The following ENAH variants were observed in gnomAD, a reference collection of about 807,000 sequenced individuals.
ENAH encodes the protein ENAH actin regulator.
ENAH carries 23 observed loss-of-function variants against 78.7 expected under a neutral mutation model. That is an observed-to-expected ratio of 0.29 (90% CI 0.21 to 0.41). The LOEUF is 0.41. Among genes scored for constraint, ENAH ranks in the 10% least tolerant of loss-of-function variants. The pLI is 1.00. For synonymous variants in ENAH, 226 were observed against 241.0 expected (o/e 0.94, Z 0.58); for missense variants, 544 against 691.0 (o/e 0.79, Z 2.39).
At chr1:225,505,878 A>G (rs1480736075) in intron 11 of ENAH, among the ~76,000 whole-genome samples, 1 of 152,180 alleles carries the variant, frequency 6.6e-6, no homozygotes, top group Non-Finnish European at 1.5e-5. Flanking sequence ...GAATTGGAAC[A>G]TGATTATGGT....
chr1:225,625,654 T>C (rs1402390613), intron 1 of ENAH, among the ~76,000 whole-genome samples: 2 of 152,170 alleles, frequency 1.3e-5, no homozygotes, highest in Non-Finnish European at 2.9e-5. Flanking sequence ...TAGCTAGGAT[T>C]ACAGGCATGT....
chr1:225,586,472 A>G (rs1161760688), intron 1 of ENAH, among the ~76,000 whole-genome samples: 1 of 152,094 alleles, frequency 6.6e-6, no homozygotes, highest in Non-Finnish European at 1.5e-5. Context: ...AAAGAAGAAA[A>G]CATTTCCAGC....
chr1:225,592,589 A>AC (rs1021266535), intron 1 of ENAH, among the ~76,000 whole-genome samples: 56 of 152,334 alleles, frequency 3.7e-4, no homozygotes, highest in African/African-American at 1.3e-3. Context: ...AGGTTTATGT[A>AC]CTTTTCAAGT....
In ENAH at chr1:225,506,337, G is replaced by A. The variant is rs570784093; in HGVS notation, c.1538+1614C>T. 2.4e-4 allele frequency among the ~76,000 whole-genome samples: 37 copies of A among 152,282 alleles called. No homozygotes were observed. The South Asian group carries it at 2.5e-3, about 10-fold the overall frequency. On this transcript the variant is annotated intron_variant, in intron 11 of 13. Coordinates refer to ENST00000366843, the MANE Select transcript of ENAH (RefSeq NM_018212.6). ...CAAGTAGCTGGCATCGCAGGTGTGC[G>A]CCACCATGCCCAGCTAATTTTTGTA...
intron 1 of ENAH, among the ~76,000 whole-genome samples, chr1:225,581,092 A>G (rs2096815021): frequency 1.3e-5 from 2 of 152,116 alleles, no homozygotes; most frequent in African/African-American, 4.8e-5. Flanking sequence ...CGTCATTCAC[A>G]GCATGAGAGT....
At chr1:225,510,620 T>C (rs2096369032) in intron 10 of ENAH, among the ~76,000 whole-genome samples, 1 of 149,796 alleles carries the variant, frequency 6.7e-6, no homozygotes, top group South Asian at 2.1e-4. Context: ...AGAGTCACCA[T>C]TTAATAATAA....
At chr1:225,529,797 C>G (rs1048851603) in intron 4 of ENAH, among the ~76,000 whole-genome samples, 3 of 152,132 alleles carry the variant, frequency 2.0e-5, no homozygotes, top group Non-Finnish European at 4.4e-5. Flanking sequence ...TGAGCAGTGC[C>G]ACAATAATCA....
At position 225,496,660 on chromosome 1, in the gene ENAH, C is replaced by T. The variant is rs1185015389; in HGVS notation, c.*1115G>A. Reference sequence around the variant, plus strand: ...TGGTTAAAATACAAATAGCTGAAGACATGATGTAAAAGATTAAGTACTTGG... The same window carrying T: ...TGGTTAAAATACAAATAGCTGAAGATATGATGTAAAAGATTAAGTACTTGG... On this transcript the variant is annotated 3_prime_UTR_variant, in exon 14 of 14. Coordinates refer to ENST00000366843, the MANE Select transcript of ENAH (RefSeq NM_018212.6). 1 of 152,604 alleles carries T rather than the reference C, an allele frequency of 6.6e-6. No individual in the cohort carries two copies. Among genetic ancestry groups the T allele is most frequent in the Non-Finnish European group, 1.5e-5 (1 of 68,022 alleles). 9.5% of individuals were successfully genotyped at this position (152,604 alleles called of 1,614,324 possible).
At chr1:225,652,535 G>A in intron 1 of ENAH, 151 bp downstream of exon 1, 1 of 1,069,742 alleles carries the variant, frequency 9.3e-7, no homozygotes, top group African/African-American at 1.6e-5. Context: ...AGAGAAATTG[G>A]AAGGGACAAA....
chr1:225,598,731 G>A (rs1308190253), intron 1 of ENAH, among the ~76,000 whole-genome samples: 2 of 151,800 alleles, frequency 1.3e-5, no homozygotes, highest in African/African-American at 2.4e-5. Flanking sequence ...AGGAAAGCTG[G>A]AATAGCAATC....
At chr1:225,642,535 C>CGTA (rs1558953821) in intron 1 of ENAH, among the ~76,000 whole-genome samples, 1 of 151,928 alleles carries the variant, frequency 6.6e-6, no homozygotes, top group East Asian at 1.9e-4. Context: ...CCAGCCAATC[C>CGTA]GTAGCACATC....
intron 1 of ENAH, among the ~76,000 whole-genome samples, chr1:225,648,825 A>C (rs1428427235): frequency 2.7e-5 from 4 of 147,318 alleles, no homozygotes; most frequent in Non-Finnish European, 1.5e-5. Context: ...GGATCTTCTG[A>C]CCCTTGATTG....
intron 4 of ENAH, among the ~76,000 whole-genome samples, chr1:225,520,952 G>C (rs1360476086): frequency 1.0e-4 from 9 of 89,226 alleles, no homozygotes; most frequent in Non-Finnish European, 1.6e-4. Flanking sequence ...GAGGGAGGGA[G>C]GGAGGGAGGG....
intron 1 of ENAH, among the ~76,000 whole-genome samples, chr1:225,621,887 C>T (rs964223421): frequency 6.6e-6 from 1 of 152,090 alleles, no homozygotes; most frequent in Admixed American, 6.6e-5. Context: ...GAAGTATTTG[C>T]CTTGGAAGAG....
At chr1:225,601,327 T>C (rs1219038981) in intron 1 of ENAH, among the ~76,000 whole-genome samples, 2 of 152,110 alleles carry the variant, frequency 1.3e-5, no homozygotes, top group Non-Finnish European at 2.9e-5. Context: ...GAGACCATCC[T>C]GGCTAACAGT....
At chr1:225,533,471 G>A (rs1036396060) in intron 3 of ENAH, among the ~76,000 whole-genome samples, 2 of 152,136 alleles carry the variant, frequency 1.3e-5, no homozygotes, top group African/African-American at 4.8e-5. Flanking sequence ...AGCCCTTTGG[G>A]GAGGGGAAAA....
chr1:225,643,956 T>C (rs1661517137), intron 1 of ENAH, among the ~76,000 whole-genome samples: 1 of 151,878 alleles, frequency 6.6e-6, no homozygotes, highest in Non-Finnish European at 1.5e-5. Context: ...AATAATAAAA[T>C]GTAAAAAGTA....
At chr1:225,527,747 C>A (rs2096516567) in intron 4 of ENAH, among the ~76,000 whole-genome samples, 1 of 152,162 alleles carries the variant, frequency 6.6e-6, no homozygotes, top group Non-Finnish European at 1.5e-5. Context: ...ATCGCCTTGC[C>A]TTTACACACC....
chr1:225,548,879 T>C (rs944243030), intron 3 of ENAH, among the ~76,000 whole-genome samples: 1 of 151,846 alleles, frequency 6.6e-6, no homozygotes, highest in African/African-American at 2.4e-5. Flanking sequence ...GCAGAGTTTT[T>C]ACTCTTGTCA....
Sources: gnomAD v4.1 joint callset for allele counts (sites outside exome capture counted in the v4.1 genomes callset) on GRCh38, gnomAD v4.1.1 for gene constraint, MANE v1.5 for transcripts, NCBI Gene and HGNC (gene_info 2026-07-23, HGNC 2026-07-21) for gene names.